Variants in ZFR2 observed in about 807,000 individuals in gnomAD.
The protein encoded by ZFR2 is zinc finger RNA-binding protein 2.
ZFR2 carries 104 observed loss-of-function variants against 105.7 expected under a neutral mutation model. The observed-to-expected ratio is 0.98, with a 90% confidence interval of 0.84 to 1.16. The LOEUF (loss-of-function observed/expected upper bound fraction) is 1.16, where lower values mean the gene tolerates loss of function less well. ZFR2 is among the 50% of genes most tolerant of loss of function. The pLI, the probability that ZFR2 is intolerant of heterozygous loss-of-function variation, is 0.00. For synonymous variants in ZFR2, 634 were observed against 597.7 expected (o/e 1.06, Z -0.89); for missense variants, 1,425 against 1,355.5 (o/e 1.05, Z -0.80).
chr19:3,807,248 G>A lies in ZFR2; in HGVS notation c.2567C>T (p.Pro856Leu), dbSNP rs1005488654. Residue 856 changes from proline to leucine, a missense_variant, in exon 18 of 19, where the codon CCC becomes CTC. By Grantham distance (98) the Pro-to-Leu change is moderately conservative. Transcript: ENST00000262961. ...LLTDGPGLQD[P>L]CERDQTDALE... is the part of the protein sequence containing the mutation. ...GGCATCTGTCTGGTCTCTCTCGCAG[G>A]GATCCTGGAGCCCGGGCCCGTCTTT... 1 of 1,559,454 alleles carries A rather than the reference G, an allele frequency of 6.4e-7. No homozygotes were observed. Among genetic ancestry groups the A allele is most frequent in the Non-Finnish European group, 8.7e-7 (1 of 1,150,972 alleles).
rs757750123 is a variant in ZFR2 at position 3,813,870 on chromosome 19, G to A, written c.2192C>T (p.Thr731Ile). The change falls in exon 14 of 19, where the codon ACC becomes ATC. Residue 731 changes from threonine to isoleucine, a missense_variant. Transcript: ENST00000262961. This position sits in a 1 kb window ranked among gnomAD's most constrained non-coding sequence, Gnocchi z 4.4. ...SSCEEPRMQV[T>I]ISVTSPLMRE... Reference sequence around the variant, plus strand: ...CATCAGAGGTGAGGTGACAGATATGGTGACCTGCATCCTGGGCTCCTCACA... The same window carrying A: ...CATCAGAGGTGAGGTGACAGATATGATGACCTGCATCCTGGGCTCCTCACA... The A allele has an allele frequency of 6.2e-7, 1 of 1,613,932 alleles. No homozygotes were observed. The highest frequency in any genetic ancestry group is 2.2e-5 in the East Asian group (1 of 44,884).
rs755462109 is a variant in ZFR2, at chr19:3,822,214, C to T, written c.1372-14G>A. 3.2e-6 allele frequency: 5 copies of T among 1,569,834 alleles called. No individual in the cohort carries two copies. In the African/African-American group the frequency reaches 6.8e-5, roughly 21 times the overall value. ...GTCGCTGAACACCTGAGACACAGAA[C>T]AGCCGCACGCGCACCAGGCACGAGG... is the stretch of plus-strand genomic sequence containing the variant. On this transcript the variant is annotated splice_polypyrimidine_tract_variant and intron_variant, in intron 8 of 18. Coordinates refer to ENST00000262961, the MANE Select transcript of ZFR2 (RefSeq NM_015174.2).
intron 1 of ZFR2, among the ~76,000 whole-genome samples, chr19:3,841,031 G>A (rs2038128126): frequency 6.6e-6 from 1 of 152,218 alleles, no homozygotes; most frequent in African/African-American, 2.4e-5. Context: ...GTGACTCGGT[G>A]CCTTGTTCGC....
Position 3,807,228 on chromosome 19 carries a change from C to A in ZFR2, c.2587G>T (p.Asp863Tyr). The change falls in exon 18 of 19, where the codon GAT (aspartate) becomes TAT (tyrosine). Residue 863 changes from aspartate (D) to tyrosine (Y), a missense_variant. Coordinates refer to ENST00000262961, the MANE Select transcript of ZFR2 (RefSeq NM_015174.2). Reference protein sequence around the residue: ...LQDPCERDQTDALEPMTLQER... With the variant: ...LQDPCERDQTYALEPMTLQER... Reference sequence around the variant, plus strand: ...TGGAGGGTCATGGGCTCGAGGGCATCTGTCTGGTCTCTCTCGCAGGGATCC... The same window carrying A: ...TGGAGGGTCATGGGCTCGAGGGCATATGTCTGGTCTCTCTCGCAGGGATCC... 1 of 1,562,026 alleles carries A rather than the reference C, an allele frequency of 6.4e-7. No homozygotes were observed. The highest frequency in any genetic ancestry group is 1.2e-5 in the South Asian group (1 of 84,924).
At chr19:3,832,168 C>A (rs564684081) in intron 3 of ZFR2, among the ~76,000 whole-genome samples, 1 of 152,254 alleles carries the variant, frequency 6.6e-6, no homozygotes, top group East Asian at 1.9e-4. Context: ...CCTCCTGCCA[C>A]CCCGGGAAAG....
rs548237478 is a variant in ZFR2, at chr19:3,827,634, C to T, written c.872G>A (p.Gly291Glu). 1.3e-6 allele frequency: 2 copies of T among 1,581,802 alleles called. No individual in the cohort carries two copies. Among genetic ancestry groups the T allele is most frequent in the Admixed American group, 1.8e-5 (1 of 55,548 alleles). Residue 291 changes from glycine to glutamate, a missense_variant, in exon 6 of 19, where the codon GGA becomes GAA. Transcript: ENST00000262961. ...CTCCTTCTTTCTGTGCTTCTGCCCT[C>T]CCAGATGTTCCCGGTAGGTCTGCGG... ...AGPQTYREHL[G>E]GQKHRKKEAA...
chr19:3,831,206 C>A, intron 5 of ZFR2, 97 bp downstream of exon 5: 1 of 1,419,160 alleles, frequency 7.0e-7, no homozygotes, highest in Non-Finnish European at 9.2e-7. Flanking sequence ...TTTCAGCAGG[C>A]AGCGACCCTG....
intron 1 of ZFR2, among the ~76,000 whole-genome samples, chr19:3,840,397 C>T (rs1008604104): frequency 2.0e-5 from 3 of 152,016 alleles, no homozygotes; most frequent in South Asian, 2.1e-4. Flanking sequence ...ACCATCATGC[C>T]GGGCTAATTT....
Position 3,804,247 on chromosome 19 carries a change from G to C in ZFR2, c.*1702C>G, listed in dbSNP as rs1243579423. 2.0e-5 allele frequency: 3 copies of C among 152,428 alleles called. No individual in the cohort carries two copies. Among genetic ancestry groups the C allele is most frequent in the Non-Finnish European group, 2.9e-5 (2 of 68,248 alleles). 9.4% of individuals were successfully genotyped at this position (152,428 alleles called of 1,614,324 possible). On this transcript the variant is annotated 3_prime_UTR_variant, in exon 19 of 19. Coordinates refer to ENST00000262961, the MANE Select transcript of ZFR2 (RefSeq NM_015174.2). ...CCAAGCGGAAGGTTTGAACAGGTTGGGGTGGGGACTCAGAAGGGGGTGCCC... is the reference window on the plus strand; with the variant it reads ...CCAAGCGGAAGGTTTGAACAGGTTGCGGTGGGGACTCAGAAGGGGGTGCCC...
intron 12 of ZFR2, among the ~76,000 whole-genome samples, chr19:3,817,984 C>T (rs2037844190): frequency 6.6e-6 from 1 of 152,128 alleles, no homozygotes. Flanking sequence ...AGAGACAGGG[C>T]GGGCACGCAT....
rs558694587 is a variant in ZFR2 at position 3,833,931 on chromosome 19, AGGCAGGGGGCAGGG to A, written c.265-167_265-154del. ...TGCCCAGGACCAGGCCCTGGCCCGG[AGGCAGGGGGCAGGG>A]GGCAGGGGGCAGGGGGCAGGGGGCG... is the stretch of plus-strand genomic sequence containing the variant. On this transcript the variant is annotated intron_variant, in intron 2 of 18. Coordinates refer to ENST00000262961, the MANE Select transcript of ZFR2 (RefSeq NM_015174.2). Among the ~76,000 whole-genome samples the A allele has an allele frequency of 8.6e-4, 130 of 151,108 alleles. 3 individuals carry two copies. In the South Asian group the frequency reaches 0.019, roughly 22 times the overall value.
chr19:3,806,539 C>T (rs552630766), intron 18 of ZFR2, among the ~76,000 whole-genome samples: 5 of 152,328 alleles, frequency 3.3e-5, no homozygotes, highest in African/African-American at 1.2e-4. Context: ...GGATGACAGG[C>T]GTGAGCCACC....
intron 1 of ZFR2, chr19:3,852,194 G>A (rs1397125712): frequency 4.6e-5 from 22 of 477,076 alleles, no homozygotes; most frequent in East Asian, 8.3e-5. Context: ...TGGCCAAGGC[G>A]GGGCTCAGCT....
chr19:3,808,944 C>T lies in ZFR2; in HGVS notation c.2473G>A (p.Ala825Thr), dbSNP rs867713079. The T allele has an allele frequency of 1.3e-6, 2 of 1,571,490 alleles. No individual in the cohort carries two copies. Among genetic ancestry groups the T allele is most frequent in the Non-Finnish European group, 1.7e-6 (2 of 1,160,690 alleles). Residue 825 changes from alanine (A) to threonine (T), a missense_variant, in exon 17 of 19, where the codon GCT (alanine) becomes ACT (threonine). Physicochemically the swap from Ala to Thr is moderately conservative, Grantham distance 58. Coordinates refer to ENST00000262961, the MANE Select transcript of ZFR2 (RefSeq NM_015174.2). ...LLVEKAVSSA[A>T]GPLGPGDAVR... ...GCATCCCCGGGGCCCAGGGGCCCAG[C>T]CGCACTGCTCACAGCCTTCTCCACC... is the stretch of plus-strand genomic sequence containing the variant.
intron 10 of ZFR2, 145 bp downstream of exon 10, chr19:3,821,195 G>A: frequency 3.3e-6 from 4 of 1,196,114 alleles, no homozygotes; most frequent in Middle Eastern, 3.0e-4. Flanking sequence ...ACCAGGACGT[G>A]CCCACTGCCC....
chr19:3,820,239 G>T lies in ZFR2; in HGVS notation c.1683C>A (p.Asp561Glu). The change falls in exon 11 of 19, where the codon GAC becomes GAA. Residue 561 changes from aspartate (D) to glutamate (E), a missense_variant. Asp to Glu is a conservative substitution (Grantham distance 45). Coordinates refer to ENST00000262961, the MANE Select transcript of ZFR2 (RefSeq NM_015174.2). ...PQDVPPHAPP[D>E]WAQPLLMGRP... ...TGCCCATGAGCAGAGGCTGGGCCCAGTCGGGCGGCGCGTGGGGCGGCACGT... is the reference window on the plus strand; with the variant it reads ...TGCCCATGAGCAGAGGCTGGGCCCATTCGGGCGGCGCGTGGGGCGGCACGT... 1 of 1,549,934 alleles carries T rather than the reference G, an allele frequency of 6.5e-7. No individual in the cohort carries two copies. Among genetic ancestry groups the T allele is most frequent in the Non-Finnish European group, 8.7e-7 (1 of 1,146,992 alleles).
intron 7 of ZFR2, among the ~76,000 whole-genome samples, chr19:3,824,585 C>A (rs777903321): frequency 1.1e-4 from 16 of 152,142 alleles, no homozygotes; most frequent in Non-Finnish European, 1.9e-4. Context: ...CCCAGGGAAC[C>A]CTGTAGGTGC....
chr19:3,828,332 G>A (rs2037975293), intron 5 of ZFR2, among the ~76,000 whole-genome samples: 2 of 152,192 alleles, frequency 1.3e-5, no homozygotes, highest in African/African-American at 4.8e-5. Context: ...CCTTTATGAA[G>A]CCCACGTAAC....
intron 16 of ZFR2, among the ~76,000 whole-genome samples, chr19:3,810,239 C>T (rs1052808989): frequency 4.6e-5 from 7 of 152,138 alleles, no homozygotes; most frequent in African/African-American, 7.2e-5. Flanking sequence ...GGTGGGTTCC[C>T]GGGGTCTCCG....
Sources: allele counts gnomAD v4.1 joint callset (sites outside exome capture counted in the v4.1 genomes callset), GRCh38; gene constraint gnomAD v4.1.1; non-coding constraint Gnocchi (gnomAD v3.1); transcripts MANE v1.5; gene names NCBI Gene and HGNC (gene_info 2026-07-23, HGNC 2026-07-21).